The following GRIN2A variants were observed in gnomAD, a reference collection of about 807,000 sequenced individuals.
GRIN2A encodes glutamate receptor ionotropic, NMDA 2A.
A neutral mutation model predicts 113.4 loss-of-function variants in GRIN2A; 22 were observed. That is an observed-to-expected ratio of 0.19 (90% CI 0.14 to 0.28). GRIN2A has a LOEUF of 0.28. Ranked by LOEUF, GRIN2A falls within the 10% of genes least tolerant of loss-of-function variation. GRIN2A has a pLI of 1.00. For synonymous variants in GRIN2A, 827 were observed against 738.4 expected, an observed-to-expected ratio of 1.12 and a Z score of -1.94; for missense variants, 1,502 against 1,887.0, an observed-to-expected ratio of 0.80 and a Z score of 3.78.
intron 2 of GRIN2A, among the ~76,000 whole-genome samples, chr16:9,950,359 G>A (rs149742363): frequency 2.0e-5 from 3 of 152,110 alleles, no homozygotes; most frequent in South Asian, 2.1e-4. Flanking sequence ...AGGATCCCTA[G>A]GGAGCCCTTG....
chr16:10,137,373 C>A (rs1284892101), intron 2 of GRIN2A, among the ~76,000 whole-genome samples: 3 of 152,160 alleles, frequency 2.0e-5, no homozygotes, highest in Non-Finnish European at 4.4e-5. Flanking sequence ...CACATTCTTG[C>A]CCCCTACACA....
intron 3 of GRIN2A, among the ~76,000 whole-genome samples, chr16:9,919,273 T>A (rs754623854): frequency 4.6e-5 from 7 of 152,200 alleles, no homozygotes; most frequent in Admixed American, 3.9e-4. Flanking sequence ...CATGCTTCTC[T>A]TAGTTCTTCC....
intron 10 of GRIN2A, among the ~76,000 whole-genome samples, chr16:9,811,501 G>A (rs886472531): frequency 1.3e-5 from 2 of 152,234 alleles, no homozygotes; most frequent in African/African-American, 4.8e-5. Flanking sequence ...GCTCATGCCT[G>A]TAATTCCAAC....
intron 2 of GRIN2A, among the ~76,000 whole-genome samples, chr16:10,017,748 T>G (rs1353161670): frequency 6.6e-6 from 1 of 152,084 alleles, no homozygotes; most frequent in East Asian, 1.9e-4. Context: ...TTTAAGAGGG[T>G]GATAAATGAC....
Position 10,136,549 on chromosome 16 carries a change from A to T in GRIN2A, c.414+43449T>A, listed in dbSNP as rs560899574. Reference sequence around the variant, plus strand: ...GACTAAAGGTTAAAGATACTGATTAATAATTAATAAACTATCTCATTAAAA... The same window carrying T: ...GACTAAAGGTTAAAGATACTGATTATTAATTAATAAACTATCTCATTAAAA... On this transcript the variant is annotated intron_variant, in intron 2 of 12. Transcript: ENST00000330684. Among the ~76,000 whole-genome samples the T allele has an allele frequency of 6.9e-4, 104 of 150,898 alleles. 1 individual carries two copies. The highest frequency in any genetic ancestry group is 2.4e-3 in the African/African-American group (101 of 41,444).
intron 5 of GRIN2A, among the ~76,000 whole-genome samples, chr16:9,848,615 A>G (rs2042820050): frequency 6.8e-6 from 1 of 147,912 alleles, no homozygotes; most frequent in African/African-American, 2.5e-5. Flanking sequence ...ATGATCTTTT[A>G]TATTTTTAAT....
At chr16:10,165,870 C>T (rs2049911683) in intron 2 of GRIN2A, among the ~76,000 whole-genome samples, 1 of 151,938 alleles carries the variant, frequency 6.6e-6, no homozygotes, top group African/African-American at 2.4e-5. Flanking sequence ...AAGGCAAAAC[C>T]AATAGCAAAT....
At chr16:9,876,933 A>G (rs2043379360) in intron 4 of GRIN2A, among the ~76,000 whole-genome samples, 1 of 152,128 alleles carries the variant, frequency 6.6e-6, no homozygotes, top group African/African-American at 2.4e-5. Context: ...AATACGAGTT[A>G]AGTCCACACA....
intron 2 of GRIN2A, among the ~76,000 whole-genome samples, chr16:10,041,270 G>C (rs2047162749): frequency 6.6e-6 from 1 of 152,182 alleles, no homozygotes; most frequent in South Asian, 2.1e-4. Flanking sequence ...AGGAATTCCA[G>C]GGGGAAAGAT....
intron 4 of GRIN2A, among the ~76,000 whole-genome samples, chr16:9,887,676 T>G (rs2043610830): frequency 6.6e-6 from 1 of 152,236 alleles, no homozygotes; most frequent in Admixed American, 6.5e-5. Flanking sequence ...TGTTTATCTT[T>G]CTTTGGGATA....
chr16:9,938,018 G>A lies in GRIN2A; in HGVS notation c.948C>T (p.Ala316=). Residue 316 remains alanine, a synonymous_variant, in exon 3 of 13, where the codon GCC becomes GCT. Coordinates refer to ENST00000330684, the MANE Select transcript of GRIN2A (RefSeq NM_001134407.3). ...MLEKFSYIPE[A]KASCYGQMER... ...CCATCTGCCCGTAGCAGCTGGCCTT[G>A]GCCTCGGGGATGTAGGAGAACTTCT... 1.2e-6 allele frequency: 2 copies of A among 1,614,048 alleles called. No individual in the cohort carries two copies. The highest frequency in any genetic ancestry group is 8.5e-7 in the Non-Finnish European group (1 of 1,179,978).
intron 2 of GRIN2A, among the ~76,000 whole-genome samples, chr16:10,075,519 C>G (rs2047853966): frequency 6.6e-6 from 1 of 152,060 alleles, no homozygotes; most frequent in African/African-American, 2.4e-5. Context: ...GAGATGGATA[C>G]TGATGATGAT....
chr16:9,818,376 G>A (rs557143943), intron 10 of GRIN2A, among the ~76,000 whole-genome samples: 5 of 150,068 alleles, frequency 3.3e-5, no homozygotes, highest in African/African-American at 9.8e-5. Flanking sequence ...AAGAAAACAC[G>A]AGGTAATTAT....
At chr16:10,033,270 T>C (rs1490486053) in intron 2 of GRIN2A, among the ~76,000 whole-genome samples, 1 of 152,168 alleles carries the variant, frequency 6.6e-6, no homozygotes, top group African/African-American at 2.4e-5. Flanking sequence ...ATTCATTCAT[T>C]CATTTTGTTA....
chr16:9,870,700 T>C (rs923026562), intron 4 of GRIN2A, among the ~76,000 whole-genome samples: 2 of 151,718 alleles, frequency 1.3e-5, no homozygotes, highest in Admixed American at 6.6e-5. Flanking sequence ...TGCAGTGGCA[T>C]GATCTTGGCT....
chr16:10,108,358 T>C (rs2048538346), intron 2 of GRIN2A, among the ~76,000 whole-genome samples: 1 of 152,200 alleles, frequency 6.6e-6, no homozygotes, highest in Non-Finnish European at 1.5e-5. Context: ...TCCACCCCCA[T>C]GATTCAGTTA....
Position 9,891,152 on chromosome 16 carries a change from C to T in GRIN2A, c.1008-52G>A, listed in dbSNP as rs370047583. On this transcript the variant is annotated intron_variant, in intron 3 of 12. Transcript: ENST00000330684. ...ATTTTTAGGAAAGAATTAGAGCAAT[C>T]GAACAAATAAGTGGATGCCACCATT... The T allele has an allele frequency of 2.0e-3, 2,088 of 1,053,010 alleles. 43 individuals carry two copies. The South Asian group carries it at 0.025, about 13-fold the overall frequency. The allele number at this position is 1,053,010 out of a possible 1,614,324, so 65.2% of individuals were successfully genotyped here.
rs192049054 is a variant in GRIN2A, at chr16:10,103,608, C to T, written c.414+76390G>A. 5.3e-5 allele frequency among the ~76,000 whole-genome samples: 8 copies of T among 152,178 alleles called. No homozygotes were observed. The South Asian group carries it at 1.5e-3, about 28-fold the overall frequency. ...AATACCTATCTATAGATAAGAATAT[C>T]GCCAGAAGTCCTAATAACCTCAGAA... On this transcript the variant is annotated intron_variant, in intron 2 of 12. Transcript: ENST00000330684.
At chr16:9,991,469 G>A (rs1260779851) in intron 2 of GRIN2A, among the ~76,000 whole-genome samples, 1 of 152,180 alleles carries the variant, frequency 6.6e-6, no homozygotes, top group Non-Finnish European at 1.5e-5. Flanking sequence ...TTGTGTAGTG[G>A]TGAAGTCTTG....
Sources: allele counts gnomAD v4.1 joint callset (sites outside exome capture counted in the v4.1 genomes callset), GRCh38; gene constraint gnomAD v4.1.1; transcripts MANE v1.5; gene names NCBI Gene and HGNC (gene_info 2026-07-23, HGNC 2026-07-21).